Variants in TAOK1 observed in about 807,000 individuals in gnomAD.
The protein encoded by TAOK1 is serine/threonine-protein kinase TAO1.
In TAOK1, 21 loss-of-function variants were observed where a neutral mutation model predicts 138.3. That is an observed-to-expected ratio of 0.15 (90% CI 0.11 to 0.22). The LOEUF (loss-of-function observed/expected upper bound fraction) is 0.22, where lower values mean the gene tolerates loss of function less well. Among genes scored for constraint, TAOK1 ranks in the 10% least tolerant of loss-of-function variants. The pLI is 1.00. For missense variants in TAOK1, 651 were observed against 1,227.7 expected (o/e 0.53, Z 7.02); for synonymous variants, 361 against 398.4 (o/e 0.91, Z 1.12).
chr17:29,391,115 G>C (rs972195649), intron 1 of TAOK1, 91 bp downstream of exon 1: 2 of 152,596 alleles, frequency 1.3e-5, no homozygotes, highest in Non-Finnish European at 2.9e-5. Flanking sequence ...AAGGGATGTG[G>C]GAGTGGGGTG....
Position 29,473,724 on chromosome 17 carries a change from C to CTTTCTT in TAOK1, c.205-1936_205-1931dup, listed in dbSNP as rs1179000305. 6.6e-5 allele frequency among the ~76,000 whole-genome samples: 10 copies of CTTTCTT among 151,616 alleles called. No individual in the cohort carries two copies. In the East Asian group the frequency reaches 7.8e-4, roughly 12 times the overall value. On this transcript the variant is annotated intron_variant, in intron 3 of 19. Coordinates refer to ENST00000261716, the MANE Select transcript of TAOK1 (RefSeq NM_020791.4). ...GCTGCTTCACCTTGCACTTTTCTTT[C>CTTTCTT]TTTCTTTTTCTTTTTTTTTTGAGAC...
intron 1 of TAOK1, among the ~76,000 whole-genome samples, chr17:29,443,853 C>T (rs1390801927): frequency 1.2e-4 from 18 of 152,130 alleles, no homozygotes; most frequent in Admixed American, 7.2e-4. Flanking sequence ...TGGTGGCTCA[C>T]ACCGTGAGCC....
intron 1 of TAOK1, among the ~76,000 whole-genome samples, chr17:29,441,841 T>G (rs925064312): frequency 6.6e-6 from 1 of 151,834 alleles, no homozygotes; most frequent in Non-Finnish European, 1.5e-5. Context: ...GAGGTTGCAG[T>G]GTGCCAAGGT....
chr17:29,540,866 G>A (rs893585329), intron 19 of TAOK1, among the ~76,000 whole-genome samples: 1 of 151,782 alleles, frequency 6.6e-6, no homozygotes, highest in African/African-American at 2.4e-5. Flanking sequence ...CACTGTGCCC[G>A]GCCAATTTTT....
rs1023487166 is a variant in TAOK1 at position 29,489,519 on chromosome 17, C to T, written c.656-145C>T. 17 of 554,730 alleles carry T rather than the reference C, an allele frequency of 3.1e-5. No individual in the cohort carries two copies. In the African/African-American group the frequency reaches 3.2e-4, roughly 10 times the overall value. The allele number at this position is 554,730 out of a possible 1,614,324, so 34.4% of individuals were successfully genotyped here. A position where few individuals can be genotyped will look rare whatever the true frequency, so the allele number is the denominator to read the frequency against. On this transcript the variant is annotated intron_variant, in intron 8 of 19. Transcript: ENST00000261716. ...TCTCAGAAAAAAAATAAAAAAAAAG[C>T]TCTTTGAACTCTACTTGCAATTTTT... is the stretch of plus-strand genomic sequence containing the variant.
At chr17:29,398,372 A>C (rs1904728400) in intron 1 of TAOK1, among the ~76,000 whole-genome samples, 1 of 151,052 alleles carries the variant, frequency 6.6e-6, no homozygotes, top group South Asian at 2.1e-4. Context: ...TGCCCAGCTA[A>C]TTTTTTGTAT....
At chr17:29,402,941 G>A (rs1256953546) in intron 1 of TAOK1, among the ~76,000 whole-genome samples, 3 of 150,796 alleles carry the variant, frequency 2.0e-5, no homozygotes, top group South Asian at 2.1e-4. Context: ...TTGGGAGGCC[G>A]AAGTGGGCAG....
Position 29,482,131 on chromosome 17 carries a change from T to TA in TAOK1, c.564-65dup, listed in dbSNP as rs1191098570. Reference sequence around the variant, plus strand: ...CAGTGATCTCCATGTAGATGACTGTTACATTCTCAAAGGATAGAATACTTT... The same window carrying TA: ...CAGTGATCTCCATGTAGATGACTGTTAACATTCTCAAAGGATAGAATACTTT... On this transcript the variant is annotated intron_variant, in intron 7 of 19. Coordinates refer to ENST00000261716, the MANE Select transcript of TAOK1 (RefSeq NM_020791.4). 7.5e-6 allele frequency: 9 copies of TA among 1,198,138 alleles called. No homozygotes were observed. In the East Asian group the frequency reaches 2.2e-4, roughly 29 times the overall value. The allele number at this position is 1,198,138 out of a possible 1,614,324, so 74.2% of individuals were successfully genotyped here.
At chr17:29,456,848 G>A (rs540333379) in intron 2 of TAOK1, among the ~76,000 whole-genome samples, 13 of 149,598 alleles carry the variant, frequency 8.7e-5, no homozygotes, top group East Asian at 2.0e-4. Context: ...ATTCTCCTGC[G>A]TCAGCCCCCC....
chr17:29,448,676 A>G (rs1204040754), intron 1 of TAOK1, among the ~76,000 whole-genome samples: 1 of 152,180 alleles, frequency 6.6e-6, no homozygotes, highest in Non-Finnish European at 1.5e-5. Context: ...ACAACTTTAA[A>G]GTTTTTGTAT....
chr17:29,474,222 T>C (rs1254487794), intron 3 of TAOK1, among the ~76,000 whole-genome samples: 2 of 152,370 alleles, frequency 1.3e-5, no homozygotes, highest in African/African-American at 4.8e-5. Context: ...TTTGATTTTC[T>C]ATCCAGACCA....
chr17:29,438,948 C>T (rs185823772), intron 1 of TAOK1, among the ~76,000 whole-genome samples: 49 of 152,274 alleles, frequency 3.2e-4, no homozygotes, highest in Admixed American at 5.9e-4. Flanking sequence ...ATTATACCTT[C>T]ATGAAAGCTT....
chr17:29,455,518 G>GT (rs1203640083), intron 2 of TAOK1, among the ~76,000 whole-genome samples: 1 of 150,580 alleles, frequency 6.6e-6, no homozygotes, highest in Non-Finnish European at 1.5e-5. Flanking sequence ...TTGAACAGCC[G>GT]TGGTGAAAGT....
In TAOK1 at chr17:29,545,533, T is replaced by C. The variant is rs1248948511; in HGVS notation, c.*2511T>C. 1 of 152,170 alleles carries C rather than the reference T, an allele frequency of 6.6e-6. No homozygotes were observed. The highest frequency in any genetic ancestry group is 1.9e-4 in the East Asian group (1 of 5,202). The allele number at this position is 152,170 out of a possible 1,614,324, so 9.4% of individuals were successfully genotyped here. A position where few individuals can be genotyped will look rare whatever the true frequency, so the allele number is the denominator to read the frequency against. On this transcript the variant is annotated 3_prime_UTR_variant, in exon 20 of 20. Transcript: ENST00000261716. The stretch of plus-strand genomic sequence containing the variant: ...ATCTCCAGTAGGGTTTTGTATCTAA[T>C]GTATTTGGCCACCAGTTTTACATGT...
intron 6 of TAOK1, among the ~76,000 whole-genome samples, chr17:29,479,456 A>G (rs2031014103): frequency 6.6e-6 from 1 of 152,124 alleles, no homozygotes; most frequent in East Asian, 1.9e-4. Context: ...TATATAATAG[A>G]GTCATTGTGA....
chr17:29,538,998 T>A (rs1226938807), intron 19 of TAOK1, among the ~76,000 whole-genome samples: 2 of 152,204 alleles, frequency 1.3e-5, no homozygotes, highest in Non-Finnish European at 2.9e-5. Context: ...TGGCTTACAC[T>A]GTAATCCCAG....
intron 2 of TAOK1, among the ~76,000 whole-genome samples, chr17:29,458,887 T>G (rs1265276728): frequency 2.0e-5 from 3 of 151,996 alleles, no homozygotes; most frequent in Non-Finnish European, 2.9e-5. Context: ...ATTTTTTATT[T>G]TTTTGTATTT....
chr17:29,495,965 A>G (rs1479556777), intron 11 of TAOK1, among the ~76,000 whole-genome samples: 4 of 152,166 alleles, frequency 2.6e-5, no homozygotes, highest in African/African-American at 7.2e-5. Flanking sequence ...TGCATGCTCT[A>G]AATCCAACCC....
At chr17:29,473,642 A>G (rs917290722) in intron 3 of TAOK1, among the ~76,000 whole-genome samples, 1 of 151,802 alleles carries the variant, frequency 6.6e-6, no homozygotes, top group African/African-American at 2.4e-5. Context: ...ACCTTCATCA[A>G]TGACACATTG....
Sources: allele counts gnomAD v4.1 joint callset (sites outside exome capture counted in the v4.1 genomes callset), GRCh38; gene constraint gnomAD v4.1.1; transcripts MANE v1.5; gene names NCBI Gene and HGNC (gene_info 2026-07-23, HGNC 2026-07-21).